The following THAP4 variants were observed in gnomAD, a reference collection of about 807,000 sequenced individuals.
THAP4 encodes the protein THAP domain containing 4.
A neutral mutation model predicts 48.1 loss-of-function variants in THAP4; 18 were observed. That is an observed-to-expected ratio of 0.37 (90% CI 0.26 to 0.56). The LOEUF (loss-of-function observed/expected upper bound fraction) is 0.56, where lower values mean the gene tolerates loss of function less well. Ranked by LOEUF, THAP4 falls within the 20% of genes least tolerant of loss-of-function variation. THAP4 has a pLI of 0.78. For missense variants in THAP4, 656 were observed against 774.9 expected (o/e 0.85, Z 1.82); for synonymous variants, 345 against 324.9 (o/e 1.06, Z -0.66).
In THAP4 at chr2:241,586,447, G is replaced by A. The variant is rs7594861; in HGVS notation, c.1615-1722C>T. On this transcript the variant is annotated intron_variant, in intron 5 of 5. Coordinates refer to ENST00000407315, the MANE Select transcript of THAP4 (RefSeq NM_015963.6). ...GAAGCACAGAACTGCTCTTTGGTGAGGATAACATCAAAGGAAGCCTCAAGT... is the reference window on the plus strand; with the variant it reads ...GAAGCACAGAACTGCTCTTTGGTGAAGATAACATCAAAGGAAGCCTCAAGT... Among the ~76,000 whole-genome samples, 819 of 151,916 alleles carry A rather than the reference G, an allele frequency of 5.4e-3. 12 individuals are homozygous for A. Among genetic ancestry groups the A allele is most frequent in the African/African-American group, 0.019 (776 of 41,420 alleles).
intron 2 of THAP4, among the ~76,000 whole-genome samples, chr2:241,625,857 T>C (rs1048856382): frequency 6.9e-6 from 1 of 144,792 alleles, no homozygotes; most frequent in African/African-American, 2.6e-5. Flanking sequence ...ATATCTCTCA[T>C]GAACACAGAT....
At chr2:241,625,481 CAAAA>C (rs67920958) in intron 2 of THAP4, among the ~76,000 whole-genome samples, 6 of 88,444 alleles carry the variant, frequency 6.8e-5, no homozygotes, top group East Asian at 3.1e-4. Flanking sequence ...GACACTGTCT[CAAAA>C]AAAAAAAAAA....
intron 2 of THAP4, among the ~76,000 whole-genome samples, chr2:241,626,760 C>T (rs1369122980): frequency 6.6e-6 from 1 of 152,066 alleles, no homozygotes; most frequent in Non-Finnish European, 1.5e-5. Context: ...GACAGGGCTT[C>T]ACCCTGTTGG....
At chr2:241,629,763 T>A (rs1017771555) in intron 2 of THAP4, among the ~76,000 whole-genome samples, 1 of 151,672 alleles carries the variant, frequency 6.6e-6, no homozygotes, top group Non-Finnish European at 1.5e-5. Context: ...TCAAACAGCA[T>A]GGTCTTGAGG....
chr2:241,610,009 G>A lies in THAP4; in HGVS notation c.1241-3536C>T, dbSNP rs564619713. Among the ~76,000 whole-genome samples the A allele has an allele frequency of 6.6e-6, 1 of 151,662 alleles. No individual in the cohort carries two copies. The highest frequency in any genetic ancestry group is 1.5e-5 in the Non-Finnish European group (1 of 67,864). On this transcript the variant is annotated intron_variant, in intron 2 of 5. Coordinates refer to ENST00000407315, the MANE Select transcript of THAP4 (RefSeq NM_015963.6). This position sits in a 1 kb window ranked among gnomAD's most constrained non-coding sequence, Gnocchi z 4.2. ...CGATCCAGAGTCCAGGTTCTGAGCTGCTGCACCGGGGCCGCGATCTCCACC... is the reference window on the plus strand; with the variant it reads ...CGATCCAGAGTCCAGGTTCTGAGCTACTGCACCGGGGCCGCGATCTCCACC...
At chr2:241,600,466 G>GC (rs1300105742) in intron 5 of THAP4, among the ~76,000 whole-genome samples, 2 of 152,114 alleles carry the variant, frequency 1.3e-5, no homozygotes, top group African/African-American at 4.8e-5. Context: ...GGTGGCTCAC[G>GC]CCTGTAATCC....
chr2:241,637,048 C>G lies in THAP4; in HGVS notation c.-31G>C. 3 of 1,184,928 alleles carry G rather than the reference C, an allele frequency of 2.5e-6. No homozygotes were observed. Among genetic ancestry groups the G allele is most frequent in the Non-Finnish European group, 3.2e-6 (3 of 940,742 alleles). The allele number at this position is 1,184,928 out of a possible 1,614,324, so 73.4% of individuals were successfully genotyped here. On this transcript the variant is annotated 5_prime_UTR_variant, in exon 1 of 6. Transcript: ENST00000407315. The stretch of plus-strand genomic sequence containing the variant: ...GCCTTGGCCCAGCCGCGCAGCCAGG[C>G]CCCGGCCCTAGCCGCCCGCCCGCCC...
chr2:241,598,622 T>G (rs758171051), intron 5 of THAP4, among the ~76,000 whole-genome samples: 1 of 152,084 alleles, frequency 6.6e-6, no homozygotes, highest in Non-Finnish European at 1.5e-5. Context: ...AGATCCCTCA[T>G]ATGCACAATT....
chr2:241,635,488 C>T (rs1024843964), intron 1 of THAP4, among the ~76,000 whole-genome samples: 2 of 152,194 alleles, frequency 1.3e-5, no homozygotes, highest in African/African-American at 4.8e-5. Context: ...GGCGGGGTGG[C>T]TTATGCCTGT....
rs370457994 is a variant in THAP4, at chr2:241,612,123, CAT to C, written c.1241-5652_1241-5651del. On this transcript the variant is annotated intron_variant, in intron 2 of 5. Coordinates refer to ENST00000407315, the MANE Select transcript of THAP4 (RefSeq NM_015963.6). This position sits in a 1 kb window ranked among gnomAD's most constrained non-coding sequence, Gnocchi z 4.1. ...GGCAAGGAAAGAGGAGAAGGTGAAA[CAT>C]GACCTGGCAGAAGTCGAGAAAGTAA... Among the ~76,000 whole-genome samples the C allele has an allele frequency of 3.7e-4, 56 of 152,080 alleles. No individual in the cohort carries two copies. In the East Asian group the frequency reaches 9.9e-3, roughly 27 times the overall value.
intron 2 of THAP4, among the ~76,000 whole-genome samples, chr2:241,614,144 C>A: frequency 6.7e-6 from 1 of 148,706 alleles, no homozygotes. Context: ...ACTGGAGAGA[C>A]ACCCTGCCTT....
At chr2:241,600,189 C>T (rs1398608464) in intron 5 of THAP4, among the ~76,000 whole-genome samples, 1 of 152,010 alleles carries the variant, frequency 6.6e-6, no homozygotes, top group Non-Finnish European at 1.5e-5. Flanking sequence ...GAGCAAGACT[C>T]CTTCTCAAAA....
At chr2:241,631,034 G>A (rs1245929580) in intron 2 of THAP4, among the ~76,000 whole-genome samples, 2 of 152,128 alleles carry the variant, frequency 1.3e-5, no homozygotes, top group Admixed American at 6.6e-5. Context: ...CTCCAACCTC[G>A]GCAACAGAGT....
chr2:241,636,407 G>T (rs1432188960), intron 1 of THAP4, among the ~76,000 whole-genome samples: 1 of 152,176 alleles, frequency 6.6e-6, no homozygotes, highest in Non-Finnish European at 1.5e-5. Context: ...GGAAGCGGCC[G>T]AGAGCCCCGG....
rs2067117836 is a variant in THAP4 at position 241,601,883 on chromosome 2, G to C, written c.1614+13C>G. 1 of 1,613,864 alleles carries C rather than the reference G, an allele frequency of 6.2e-7. No homozygotes were observed. The highest frequency in any genetic ancestry group is 8.5e-7 in the Non-Finnish European group (1 of 1,180,000). On this transcript the variant is annotated intron_variant, in intron 5 of 5. Coordinates refer to ENST00000407315, the MANE Select transcript of THAP4 (RefSeq NM_015963.6). The surrounding 1 kb of genome is among the most constrained non-coding windows in gnomAD (Gnocchi z 4.0). Reference sequence around the variant, plus strand: ...AGAAGACAGGAGCGTGCTGGGAGCAGGGCTGGGCTCACCTGCTCTACGTGG... The same window carrying C: ...AGAAGACAGGAGCGTGCTGGGAGCACGGCTGGGCTCACCTGCTCTACGTGG...
intron 4 of THAP4, 83 bp from the exon 5 acceptor site, chr2:241,602,082 G>C (rs1220409279): frequency 7.3e-7 from 1 of 1,363,518 alleles, no homozygotes; most frequent in East Asian, 2.4e-5. Context: ...CTGCAAGCCG[G>C]GACTCCACAG....
intron 2 of THAP4, among the ~76,000 whole-genome samples, chr2:241,630,997 G>A (rs2067552026): frequency 6.6e-6 from 1 of 152,140 alleles, no homozygotes; most frequent in Non-Finnish European, 1.5e-5. Flanking sequence ...GGCAGAGGTT[G>A]CAGTTAGCTG....
chr2:241,594,916 G>A (rs1242043662), intron 5 of THAP4, among the ~76,000 whole-genome samples: 1 of 152,164 alleles, frequency 6.6e-6, no homozygotes, highest in Non-Finnish European at 1.5e-5. Context: ...GAAGATAAAT[G>A]TTCTGAAATT....
rs1469981730 is a variant in THAP4, at chr2:241,584,696, T to C, written c.1644A>G (p.Glu548=). 2.5e-6 allele frequency: 4 copies of C among 1,614,128 alleles called. No homozygotes were observed. In the Admixed American group the frequency reaches 5.0e-5, roughly 20 times the overall value. ...QITRKFRLNS[E]GKLEQTVSMA... ...TGGAGACCGTCTGCTCAAGTTTGCCTTCAGAATTCAGCCTGAACTTCCGGG... is the reference window on the plus strand; with the variant it reads ...TGGAGACCGTCTGCTCAAGTTTGCCCTCAGAATTCAGCCTGAACTTCCGGG... The change falls in exon 6 of 6, where the codon GAA becomes GAG. Residue 548 remains glutamate, a synonymous_variant. Coordinates refer to ENST00000407315, the MANE Select transcript of THAP4 (RefSeq NM_015963.6).
Sources: allele counts gnomAD v4.1 joint callset (sites outside exome capture counted in the v4.1 genomes callset), GRCh38; gene constraint gnomAD v4.1.1; non-coding constraint Gnocchi (gnomAD v3.1); transcripts MANE v1.5; gene names NCBI Gene and HGNC (gene_info 2026-07-23, HGNC 2026-07-21).